The following COPS4 variants were observed in gnomAD, a reference collection of about 807,000 sequenced individuals.
COPS4 encodes COP9 signalosome complex subunit 4.
Under a neutral mutation model 55.1 loss-of-function variants are expected in COPS4, and 8 were observed. That is an observed-to-expected ratio of 0.15 (90% CI 0.09 to 0.26). COPS4 has a LOEUF of 0.26. COPS4 is among the 10% of genes least tolerant of loss of function. The pLI is 1.00. For missense variants in COPS4, 248 were observed against 484.0 expected, an observed-to-expected ratio of 0.51 and a Z score of 4.58; for synonymous variants, 185 against 165.7, an observed-to-expected ratio of 1.12 and a Z score of -0.90.
At chr4:83,063,297 T>C in intron 7 of COPS4, 51 bp downstream of exon 7, 1 of 1,281,026 alleles carries the variant, frequency 7.8e-7, no homozygotes, top group Non-Finnish European at 1.1e-6. Flanking sequence ...AGGTACAGAC[T>C]AGTGAAAATC....
intron 4 of COPS4, among the ~76,000 whole-genome samples, chr4:83,052,210 C>T (rs1019671689): frequency 3.3e-5 from 5 of 152,020 alleles, no homozygotes; most frequent in Non-Finnish European, 5.9e-5. Context: ...ACAGGGTAGA[C>T]GATGACAGCA....
At chr4:83,036,792 C>T (rs1730431464) in intron 1 of COPS4, among the ~76,000 whole-genome samples, 1 of 151,924 alleles carries the variant, frequency 6.6e-6, no homozygotes, top group Admixed American at 6.6e-5. Context: ...AAAGTAAAAT[C>T]AGCTTATATT....
At chr4:83,073,382 C>A in intron 9 of COPS4, 1 of 584,882 alleles carries the variant, frequency 1.7e-6, no homozygotes, top group Non-Finnish European at 3.2e-6. Context: ...ATTTTTATAG[C>A]CGAATAGCAT....
chr4:83,071,008 CTT>C (rs1731415136), intron 9 of COPS4, among the ~76,000 whole-genome samples: 1 of 152,164 alleles, frequency 6.6e-6, no homozygotes, highest in African/African-American at 2.4e-5. Flanking sequence ...GCCATCTTCT[CTT>C]TGTCCCATGT....
chr4:83,043,679 C>G (rs1730628497), intron 1 of COPS4, among the ~76,000 whole-genome samples: 1 of 151,536 alleles, frequency 6.6e-6, no homozygotes, highest in Admixed American at 6.6e-5. Flanking sequence ...AGCAATAACC[C>G]TTGATTTAAT....
intron 1 of COPS4, among the ~76,000 whole-genome samples, chr4:83,041,765 C>A (rs4693552): frequency 0.99 from 151,375 of 152,236 alleles, 75,264 homozygotes; most frequent in Middle Eastern, 1. Flanking sequence ...CTTCACCTGG[C>A]CTTACTCTCT....
At chr4:83,055,462 G>C (rs1284331320) in intron 4 of COPS4, among the ~76,000 whole-genome samples, 1 of 115,162 alleles carries the variant, frequency 8.7e-6, no homozygotes, top group Non-Finnish European at 1.8e-5. Context: ...TTTTTTTTTT[G>C]AGATGGAGTC....
intron 9 of COPS4, among the ~76,000 whole-genome samples, chr4:83,070,373 A>G (rs1731391536): frequency 6.6e-6 from 1 of 152,100 alleles, no homozygotes; most frequent in African/African-American, 2.4e-5. Context: ...GTTCTAGTTT[A>G]CTACTAAGGT....
intron 9 of COPS4, chr4:83,073,213 C>T (rs1731482441): frequency 3.0e-6 from 2 of 669,360 alleles, no homozygotes; most frequent in Middle Eastern, 2.7e-4. Context: ...CAGCTTCTGG[C>T]AACCACCAAT....
intron 9 of COPS4, 145 bp from the exon 10 acceptor site, chr4:83,075,152 G>T: frequency 6.1e-6 from 4 of 652,618 alleles, no homozygotes; most frequent in Admixed American, 6.2e-5. Context: ...TATTTTTTTT[G>T]AATAGCTTTT....
chr4:83,064,600 C>CT (rs999996455), intron 7 of COPS4, among the ~76,000 whole-genome samples: 64 of 148,666 alleles, frequency 4.3e-4, no homozygotes, highest in African/African-American at 9.6e-4. Flanking sequence ...TTTCTTTTTT[C>CT]TTTTTTTTTT....
At position 83,049,179 on chromosome 4, in the gene COPS4, T is replaced by C. The variant is rs1730796244; in HGVS notation, c.168T>C (p.Asn56=). 1 of 1,601,934 alleles carries C rather than the reference T, an allele frequency of 6.2e-7. No homozygotes were observed. Among genetic ancestry groups the C allele is most frequent in the Non-Finnish European group, 8.5e-7 (1 of 1,176,620 alleles). The change falls in exon 3 of 10, where the codon AAT becomes AAC. Residue 56 remains asparagine (N), a synonymous_variant. Coordinates refer to ENST00000264389, the MANE Select transcript of COPS4 (RefSeq NM_016129.3). ...TTTTTAAACAAGTGGTAAATGAGAA[T>C]GTCAGTCTCGTGATCTCGCGGCAGT... The part of the protein sequence containing the change: ...KAFVEAMVNE[N]VSLVISRQLL...
chr4:83,065,647 G>A (rs578106235), intron 7 of COPS4, among the ~76,000 whole-genome samples: 6 of 152,348 alleles, frequency 3.9e-5, no homozygotes, highest in African/African-American at 1.4e-4. Context: ...AACATTATGA[G>A]ATACTGTATG....
intron 6 of COPS4, among the ~76,000 whole-genome samples, chr4:83,058,873 G>A (rs1408854983): frequency 6.6e-6 from 1 of 152,092 alleles, no homozygotes; most frequent in Non-Finnish European, 1.5e-5. Context: ...TTGAATTTTT[G>A]ATAGACGTTC....
At position 83,075,442 on chromosome 4, in the gene COPS4, A is replaced by C. The variant is rs770446284; in HGVS notation, c.*12A>C. ...AGATGGCTCAGTGAATCCTTGCAGA[A>C]CTTCTGTGCACATGACATCTTTTTC... On this transcript the variant is annotated 3_prime_UTR_variant, in exon 10 of 10. Transcript: ENST00000264389. 1.9e-6 allele frequency: 3 copies of C among 1,613,688 alleles called. No individual in the cohort carries two copies. The highest frequency in any genetic ancestry group is 1.7e-6 in the Non-Finnish European group (2 of 1,179,884).
chr4:83,037,707 T>A (rs75778986), intron 1 of COPS4, among the ~76,000 whole-genome samples: 3 of 152,226 alleles, frequency 2.0e-5, no homozygotes, highest in Admixed American at 2.0e-4. Context: ...GTGTTTTTTT[T>A]AGGAGCTGAG....
rs568502162 is a variant in COPS4, at chr4:83,065,850, T to C, written c.887-588T>C. Among the ~76,000 whole-genome samples, 14 of 152,340 alleles carry C rather than the reference T, an allele frequency of 9.2e-5. No individual in the cohort carries two copies. The East Asian group carries it at 2.7e-3, about 29-fold the overall frequency. The stretch of plus-strand genomic sequence containing the variant: ...GCTGCTGCTTGCTAGTAAAAGTTTA[T>C]GCTTGTAGAAAGAAAAGTTAATGGG... On this transcript the variant is annotated intron_variant, in intron 7 of 9. Transcript: ENST00000264389.
intron 6 of COPS4, among the ~76,000 whole-genome samples, chr4:83,059,148 G>C (rs560851076): frequency 8.6e-4 from 131 of 151,900 alleles, no homozygotes; most frequent in Non-Finnish European, 1.4e-3. Flanking sequence ...TTTCTTGGTG[G>C]CTTGTGGAAG....
At chr4:83,050,933 G>A (rs1730872311) in intron 4 of COPS4, among the ~76,000 whole-genome samples, 1 of 152,004 alleles carries the variant, frequency 6.6e-6, no homozygotes, top group Admixed American at 6.6e-5. Context: ...TAAACTGTAG[G>A]CAAGCAGTGA....
Sources: gnomAD v4.1 joint callset for allele counts (sites outside exome capture counted in the v4.1 genomes callset) on GRCh38, gnomAD v4.1.1 for gene constraint, MANE v1.5 for transcripts, NCBI Gene and HGNC (gene_info 2026-07-23, HGNC 2026-07-21) for gene names.